FGF13: variants seen among roughly 807,000 people sequenced by gnomAD.
FGF13 encodes the protein fibroblast growth factor homologous factor 2.
A neutral mutation model predicts 19.5 loss-of-function variants in FGF13; 2 were observed. That is an observed-to-expected ratio of 0.10 (90% confidence interval 0.04 to 0.32). FGF13 has a LOEUF of 0.32. Among genes scored for constraint, FGF13 ranks in the 10% least tolerant of loss-of-function variants. FGF13 has a pLI of 1.00. For missense variants in FGF13, 113 were observed against 192.7 expected (o/e 0.59, Z 2.45); for synonymous variants, 72 against 76.9 (o/e 0.94, Z 0.33).
At chrX:138,761,010 C>T (rs1373923784) in intron 3 of FGF13, among the ~76,000 whole-genome samples, 1 of 112,021 alleles carries the variant, frequency 8.9e-6, no homozygotes, top group Non-Finnish European at 1.9e-5. Context: ...AATTGCATTA[C>T]ATCAGGTACT....
At chrX:138,712,244 T>TG (rs1467921567), upstream of FGF13, 1 of 111,859 alleles carries the variant, frequency 8.9e-6, no homozygotes, top group Admixed American at 9.4e-5. Flanking sequence ...ACTGCAGAGC[T>TG]GCGCCCGCAC....
At chrX:138,887,769 G>A (rs1240287812) in intron 1 of FGF13, among the ~76,000 whole-genome samples, 1 of 112,028 alleles carries the variant, frequency 8.9e-6, no homozygotes, top group Non-Finnish European at 1.9e-5. Flanking sequence ...CCCTGTCAAG[G>A]TTATTTAAAG....
At chrX:138,764,767 T>C (rs1175006837) in intron 3 of FGF13, among the ~76,000 whole-genome samples, 1 of 112,154 alleles carries the variant, frequency 8.9e-6, no homozygotes, top group East Asian at 2.8e-4. Flanking sequence ...CCAACCCCTT[T>C]CTTAATGCTC....
chrX:139,107,791 G>T (rs777215147), intron 1 of FGF13, among the ~76,000 whole-genome samples: 1 of 110,075 alleles, frequency 9.1e-6, no homozygotes, highest in Non-Finnish European at 1.9e-5. Flanking sequence ...GAAGAGGAGA[G>T]GAGAGGCAGC....
At chrX:138,919,191 GACA>G (rs1465492983) in intron 1 of FGF13, among the ~76,000 whole-genome samples, 9 of 111,412 alleles carry the variant, frequency 8.1e-5, no homozygotes, top group African/African-American at 2.9e-4. Flanking sequence ...TCACAGACAG[GACA>G]ACATTTGTGG....
At chrX:138,898,072 G>T (rs1238476162) in intron 1 of FGF13, among the ~76,000 whole-genome samples, 1 of 111,040 alleles carries the variant, frequency 9.0e-6, no homozygotes, top group East Asian at 2.8e-4. Flanking sequence ...CTAAATAAAT[G>T]CCATGGGATC....
At chrX:139,021,744 G>A (rs1056090549) in intron 1 of FGF13, among the ~76,000 whole-genome samples, 1 of 111,337 alleles carries the variant, frequency 9.0e-6, no homozygotes, top group Admixed American at 9.6e-5. Flanking sequence ...TGAAAGACAG[G>A]AAGGAAGGGA....
rs774980577 is a variant in FGF13 at position 138,623,075 on chromosome X, G to A, written c.*9775C>T. On this transcript the variant is annotated 3_prime_UTR_variant, in exon 5 of 5. Transcript: ENST00000315930. ...TTATTTTTTGGATAGTTCATTGTTC[G>A]TGTGAAGAAACAACTGATTTTTATG... 2.7e-5 allele frequency: 3 copies of A among 111,025 alleles called. No homozygotes were observed. Among genetic ancestry groups the A allele is most frequent in the Non-Finnish European group, 5.7e-5 (3 of 52,876 alleles). The allele number at this position is 111,025 out of a possible 1,213,427, so 9.1% of individuals were successfully genotyped here.
intron 3 of FGF13, among the ~76,000 whole-genome samples, chrX:138,849,672 A>G (rs1447769708): frequency 9.0e-6 from 1 of 111,321 alleles, no homozygotes; most frequent in Admixed American, 9.6e-5. Flanking sequence ...AGAAGGCAGA[A>G]TTTCTTAAGT....
chrX:138,778,231 TA>T (rs1455701785), intron 3 of FGF13, among the ~76,000 whole-genome samples: 1 of 108,651 alleles, frequency 9.2e-6, no homozygotes, highest in Non-Finnish European at 1.9e-5. Context: ...GTGCTTAACA[TA>T]ATTATCAGAG....
chrX:138,732,929 A>G (rs2090244175), intron 1 of FGF13, among the ~76,000 whole-genome samples: 2 of 110,851 alleles, frequency 1.8e-5, no homozygotes, highest in South Asian at 7.6e-4. Flanking sequence ...CTTGGGTTCC[A>G]ACCAACTCAG....
chrX:138,915,737 T>C (rs745861239), intron 1 of FGF13, among the ~76,000 whole-genome samples: 2 of 112,086 alleles, frequency 1.8e-5, no homozygotes, highest in South Asian at 7.5e-4. Flanking sequence ...GATGTAAAAA[T>C]GCTCATTTCT....
intron 1 of FGF13, among the ~76,000 whole-genome samples, chrX:139,081,857 G>A (rs12389786): frequency 0.077 from 8,489 of 110,571 alleles, 404 homozygotes; most frequent in African/African-American, 0.17. Context: ...CTTTTGCCTA[G>A]ATTTCTATAA....
intron 1 of FGF13, among the ~76,000 whole-genome samples, chrX:138,734,372 CAT>C (rs1374759895): frequency 9.0e-6 from 1 of 111,093 alleles, no homozygotes; most frequent in Non-Finnish European, 1.9e-5. Context: ...ACATAAATGA[CAT>C]GTGTAGTTAC....
At chrX:138,999,802 T>C (rs771550645) in intron 1 of FGF13, among the ~76,000 whole-genome samples, 66 of 111,567 alleles carry the variant, frequency 5.9e-4, no homozygotes, top group Non-Finnish European at 1.2e-3. Flanking sequence ...TTCCAATCAA[T>C]AGAAAAAGAG....
At chrX:138,684,977 A>G (rs1164594716) in intron 3 of FGF13, among the ~76,000 whole-genome samples, 1 of 111,965 alleles carries the variant, frequency 8.9e-6, no homozygotes, top group African/African-American at 3.2e-5. Context: ...GAAGATCCTA[A>G]CTCATTTGAA....
In FGF13 at chrX:138,960,743, TTCA is replaced by T. The variant is rs765090693; in HGVS notation, c.-112-96096_-112-96094del. On this transcript the variant is annotated intron_variant, in intron 1 of 2. Transcript: ENST00000421460. ...TTTTTCTCTAAACTTCTCTTCTCAC[TTCA>T]TTTCATTCATTTGATCTTCAATCAC... 4.5e-5 allele frequency among the ~76,000 whole-genome samples: 5 copies of T among 111,856 alleles called. No homozygotes were observed. In the South Asian group the frequency reaches 1.5e-3, roughly 34 times the overall value.
Position 139,003,133 on chromosome X carries a change from C to T in FGF13, c.-112-138483G>A, listed in dbSNP as rs778248441. On this transcript the variant is annotated intron_variant, in intron 1 of 2. Transcript: ENST00000421460. ...GAGTGTTACAGCTCTTAAGATGGCGCGTCTGGAGTCTGTCCCTTCTGATGT... is the reference window on the plus strand; with the variant it reads ...GAGTGTTACAGCTCTTAAGATGGCGTGTCTGGAGTCTGTCCCTTCTGATGT... 6.3e-5 allele frequency among the ~76,000 whole-genome samples: 7 copies of T among 111,710 alleles called. No individual in the cohort carries two copies. The East Asian group carries it at 8.5e-4, about 14-fold the overall frequency.
rs1334016958 is a variant in FGF13 at position 138,627,317 on chromosome X, CTAAT to C, written c.*5529_*5532del. 8.9e-6 allele frequency: 1 copy of C among 111,789 alleles called. No individual in the cohort carries two copies. Among genetic ancestry groups the C allele is most frequent in the African/African-American group, 3.3e-5 (1 of 30,759 alleles). 9.2% of individuals were successfully genotyped at this position (111,789 alleles called of 1,213,427 possible). ...CATTATCCCATACGTTTCTCTTACT[CTAAT>C]TGCTAACTTTACACAGCATTAAAAA... is the stretch of plus-strand genomic sequence containing the variant. On this transcript the variant is annotated 3_prime_UTR_variant, in exon 5 of 5. Transcript: ENST00000315930.
Sources: gnomAD v4.1 joint callset for allele counts (sites outside exome capture counted in the v4.1 genomes callset) on GRCh38, gnomAD v4.1.1 for gene constraint, MANE v1.5 for transcripts, NCBI Gene and HGNC (gene_info 2026-07-23, HGNC 2026-07-21) for gene names.